The following FUT9 variants were observed in gnomAD, a reference collection of about 807,000 sequenced individuals.
The protein encoded by FUT9 is 4-galactosyl-N-acetylglucosaminide 3-alpha-L-fucosyltransferase 9.
Under a neutral mutation model 29.7 loss-of-function variants are expected in FUT9, and 15 were observed. That is an observed-to-expected ratio of 0.51 (90% confidence interval 0.34 to 0.78). The LOEUF (loss-of-function observed/expected upper bound fraction) is 0.78, where lower values mean the gene tolerates loss of function less well. Ranked by LOEUF, FUT9 falls within the 30% of genes least tolerant of loss-of-function variation. The pLI, the probability that FUT9 is intolerant of heterozygous loss-of-function variation, is 0.01. For missense variants in FUT9, 319 were observed against 425.4 expected (o/e 0.75, Z 2.20); for synonymous variants, 169 against 153.7 (o/e 1.10, Z -0.74).
chr6:96,110,053 AGTCATT>A (rs1411186799), intron 1 of FUT9, among the ~76,000 whole-genome samples: 18 of 152,142 alleles, frequency 1.2e-4, no homozygotes, highest in Non-Finnish European at 1.5e-5. Context: ...TATAAGGCTG[AGTCATT>A]GTCTTCAACT....
intron 2 of FUT9, among the ~76,000 whole-genome samples, chr6:96,122,172 T>G (rs571130932): frequency 6.6e-6 from 1 of 152,278 alleles, no homozygotes; most frequent in East Asian, 1.9e-4. Context: ...TTAAAGAGAC[T>G]CAGTTTCACA....
At chr6:96,066,844 A>G (rs1367661755) in intron 1 of FUT9, among the ~76,000 whole-genome samples, 1 of 151,994 alleles carries the variant, frequency 6.6e-6, no homozygotes, top group African/African-American at 2.4e-5. Context: ...TGTGTGTGGT[A>G]TACCTCTTCC....
Position 96,207,497 on chromosome 6 carries a change from T to C in FUT9, c.*3262T>C, listed in dbSNP as rs1216308014. 6.0e-6 allele frequency: 1 copy of C among 167,042 alleles called. No homozygotes were observed. Among genetic ancestry groups the C allele is most frequent in the East Asian group, 1.9e-4 (1 of 5,196 alleles). 10.3% of individuals were successfully genotyped at this position (167,042 alleles called of 1,614,324 possible). A position where few individuals can be genotyped will look rare whatever the true frequency, so the allele number is the denominator to read the frequency against. On this transcript the variant is annotated 3_prime_UTR_variant, in exon 3 of 3. Transcript: ENST00000302103. ...AGCATTCGTTCTGGTTTAAATATTTTAGGAGTTGAGTTCAGCAGAAGGAAA... is the reference window on the plus strand; with the variant it reads ...AGCATTCGTTCTGGTTTAAATATTTCAGGAGTTGAGTTCAGCAGAAGGAAA...
intron 1 of FUT9, among the ~76,000 whole-genome samples, chr6:96,018,386 A>C (rs553507304): frequency 5.4e-4 from 82 of 152,302 alleles, no homozygotes; most frequent in Admixed American, 8.5e-4. Flanking sequence ...AAGGTCTCAG[A>C]ATTATCTATG....
At chr6:96,180,366 C>T (rs1372166404) in intron 2 of FUT9, among the ~76,000 whole-genome samples, 2 of 152,000 alleles carry the variant, frequency 1.3e-5, no homozygotes, top group Non-Finnish European at 2.9e-5. Context: ...AGATGTAGAT[C>T]CATGATTTGA....
chr6:96,111,540 A>AACACACACAC (rs66491542), intron 1 of FUT9, among the ~76,000 whole-genome samples: 127 of 145,656 alleles, frequency 8.7e-4, no homozygotes, highest in East Asian at 3.7e-3. Context: ...TGATTTGGGA[A>AACACACACAC]ACACACACAC....
intron 2 of FUT9, among the ~76,000 whole-genome samples, chr6:96,174,456 T>TA (rs925524178): frequency 3.2e-4 from 48 of 152,054 alleles, no homozygotes; most frequent in African/African-American, 1.0e-3. Flanking sequence ...CACCTAAAAA[T>TA]AAAAAAACAT....
chr6:96,137,491 C>G (rs968915522), intron 2 of FUT9, among the ~76,000 whole-genome samples: 15 of 152,076 alleles, frequency 9.9e-5, no homozygotes, highest in African/African-American at 3.6e-4. Flanking sequence ...ACATAATAAC[C>G]TCCTCCCAAA....
At chr6:96,016,438 G>C (rs1311813241) in intron 1 of FUT9, among the ~76,000 whole-genome samples, 1 of 152,096 alleles carries the variant, frequency 6.6e-6, no homozygotes. Flanking sequence ...CCTGCAGCTC[G>C]CAGTCCCGCC....
chr6:96,203,778 A>T lies in FUT9; in HGVS notation c.623A>T (p.Glu208Val), dbSNP rs767637286. 5 of 1,614,004 alleles carry T rather than the reference A, an allele frequency of 3.1e-6. No individual in the cohort carries two copies. Among genetic ancestry groups the T allele is most frequent in the Non-Finnish European group, 4.2e-6 (5 of 1,179,938 alleles). The change falls in exon 3 of 3, where the codon GAG becomes GTG. Residue 208 changes from glutamate to valine, a missense_variant. Coordinates refer to ENST00000302103, the MANE Select transcript of FUT9 (RefSeq NM_006581.4). ...PEHARVKYYN[E>V]LSKSIEIHTY... ...CATGCCAGAGTCAAGTATTACAATG[A>T]GCTAAGCAAAAGCATTGAAATCCAT... is the stretch of plus-strand genomic sequence containing the variant.
chr6:96,187,210 T>C (rs939801004), intron 2 of FUT9, among the ~76,000 whole-genome samples: 5 of 152,026 alleles, frequency 3.3e-5, no homozygotes, highest in Admixed American at 1.3e-4. Flanking sequence ...CATTAGCAGA[T>C]AGAGGACCAG....
chr6:96,114,219 T>C (rs1771869102), intron 2 of FUT9, 92 bp downstream of exon 2: 2 of 152,078 alleles, frequency 1.3e-5, no homozygotes, highest in South Asian at 4.1e-4. Context: ...TTTCAGAAAA[T>C]TTTGAACTAA....
chr6:96,087,362 A>AT lies in FUT9; in HGVS notation c.-97-26654dup, dbSNP rs55814316. Among the ~76,000 whole-genome samples, 470 of 96,544 alleles carry AT rather than the reference A, an allele frequency of 4.9e-3. 2 individuals are homozygous for AT. The highest frequency in any genetic ancestry group is 0.013 in the African/African-American group (343 of 27,438). The allele number at this position is 96,544 out of a possible 152,430, so 63.3% of individuals were successfully genotyped here. A position where few individuals can be genotyped will look rare whatever the true frequency, so the allele number is the denominator to read the frequency against. On this transcript the variant is annotated intron_variant, in intron 1 of 2. Coordinates refer to ENST00000302103, the MANE Select transcript of FUT9 (RefSeq NM_006581.4). ...CAGTAGGTTTATATTTTCCCCACAA[A>AT]TTTTTTTTTTTTTTTTTTTTTTTGA...
At chr6:96,181,461 T>A (rs767742896) in intron 2 of FUT9, among the ~76,000 whole-genome samples, 3 of 151,556 alleles carry the variant, frequency 2.0e-5, no homozygotes, top group Non-Finnish European at 4.4e-5. Context: ...TTTTCATAGG[T>A]TATTGGGGGA....
chr6:96,035,778 A>G (rs1031392281), intron 1 of FUT9, among the ~76,000 whole-genome samples: 4 of 124,802 alleles, frequency 3.2e-5, no homozygotes, highest in Non-Finnish European at 6.6e-5. Flanking sequence ...AAAATATAAT[A>G]TAATTTATTT....
chr6:96,188,573 A>T (rs1007103029), intron 2 of FUT9, among the ~76,000 whole-genome samples: 3 of 152,024 alleles, frequency 2.0e-5, no homozygotes, highest in African/African-American at 7.2e-5. Flanking sequence ...TCTGGTTGTG[A>T]GATTTAAAGG....
intron 1 of FUT9, among the ~76,000 whole-genome samples, chr6:96,058,576 AG>A (rs1770817919): frequency 6.6e-6 from 1 of 152,154 alleles, no homozygotes; most frequent in Non-Finnish European, 1.5e-5. Context: ...AATGAATAAA[AG>A]CTAAATGCAT....
intron 1 of FUT9, among the ~76,000 whole-genome samples, chr6:96,053,965 G>T (rs7755669): frequency 0.027 from 4,113 of 152,090 alleles, 111 homozygotes; most frequent in South Asian, 0.094. Flanking sequence ...AAATAAATCA[G>T]GTAAATCACA....
At chr6:96,192,085 C>G (rs541538651) in intron 2 of FUT9, among the ~76,000 whole-genome samples, 12 of 152,264 alleles carry the variant, frequency 7.9e-5, no homozygotes, top group Non-Finnish European at 1.5e-4. Flanking sequence ...GACAAACCCA[C>G]AGCCAACATC....
Sources: allele counts gnomAD v4.1 joint callset (sites outside exome capture counted in the v4.1 genomes callset), GRCh38; gene constraint gnomAD v4.1.1; transcripts MANE v1.5; gene names NCBI Gene and HGNC (gene_info 2026-07-23, HGNC 2026-07-21).